Variants in KCND3 observed in about 807,000 individuals in gnomAD.
KCND3 encodes potassium voltage-gated channel subfamily D member 3.
In KCND3, 9 loss-of-function variants were observed where a neutral mutation model predicts 51.1. That is an observed-to-expected ratio of 0.18 (90% CI 0.11 to 0.31). The LOEUF is 0.31. Among genes scored for constraint, KCND3 ranks in the 10% least tolerant of loss-of-function variants. KCND3 has a pLI of 1.00. For missense variants in KCND3, 526 were observed against 903.8 expected (o/e 0.58, Z 5.36); for synonymous variants, 349 against 368.0 (o/e 0.95, Z 0.59).
chr1:111,866,535 G>A (rs1041482198), intron 2 of KCND3, among the ~76,000 whole-genome samples: 21 of 150,814 alleles, frequency 1.4e-4, no homozygotes, highest in Non-Finnish European at 2.7e-4. Context: ...AAATTGCTGG[G>A]ATTATAGGCA....
In KCND3 at chr1:111,916,740, GATA is replaced by G. The variant is rs531509650; in HGVS notation, c.1106+64878_1106+64880del. Among the ~76,000 whole-genome samples the G allele has an allele frequency of 4.3e-4, 65 of 152,244 alleles. 1 individual carries two copies. The highest frequency in any genetic ancestry group is 1.5e-3 in the African/African-American group (63 of 41,560). On this transcript the variant is annotated intron_variant, in intron 2 of 7. Transcript: ENST00000302127. ...CTACAGCTTTCACACACATCAAAAAGATAATAAGAGAATATTATAAACAACTTC... is the reference window on the plus strand; with the variant it reads ...CTACAGCTTTCACACACATCAAAAAGATAAGAGAATATTATAAACAACTTC...
chr1:111,905,741 C>A (rs77310427), intron 2 of KCND3, among the ~76,000 whole-genome samples: 3 of 152,174 alleles, frequency 2.0e-5, no homozygotes. Context: ...TCAGCCCCAG[C>A]AGGGCATCAG....
chr1:111,858,909 T>G (rs1013268275), intron 2 of KCND3, among the ~76,000 whole-genome samples: 1 of 152,228 alleles, frequency 6.6e-6, no homozygotes, highest in Non-Finnish European at 1.5e-5. Flanking sequence ...TATCCTCCCC[T>G]CTGCCTGGCA....
intron 2 of KCND3, among the ~76,000 whole-genome samples, chr1:111,900,074 G>C (rs1670312616): frequency 6.6e-6 from 1 of 152,166 alleles, no homozygotes; most frequent in Admixed American, 6.5e-5. Context: ...CCTGGGACCT[G>C]TAAGCATGGT....
chr1:111,802,421 C>T (rs6663025), intron 2 of KCND3, among the ~76,000 whole-genome samples: 1,752 of 152,332 alleles, frequency 0.012, 30 homozygotes, highest in African/African-American at 0.04. Context: ...ATGCAAAGAA[C>T]GTAGGCCTTG....
rs988588967 is a variant in KCND3 at position 111,771,207 on chromosome 1, A to G, written c.*4870T>C. Reference sequence around the variant, plus strand: ...CAGAACATTCTGAATAGAAAACAAGACTTAAAAGGAACCCCTTTAAAGCTG... The same window carrying G: ...CAGAACATTCTGAATAGAAAACAAGGCTTAAAAGGAACCCCTTTAAAGCTG... On this transcript the variant is annotated 3_prime_UTR_variant, in exon 8 of 8. Transcript: ENST00000302127. The G allele has an allele frequency of 1.3e-5, 2 of 152,152 alleles. No homozygotes were observed. The highest frequency in any genetic ancestry group is 4.8e-5 in the African/African-American group (2 of 41,440). The allele number at this position is 152,152 out of a possible 1,614,324, so 9.4% of individuals were successfully genotyped here. A position where few individuals can be genotyped will look rare whatever the true frequency, so the allele number is the denominator to read the frequency against.
At chr1:111,839,106 A>G (rs967213374) in intron 2 of KCND3, among the ~76,000 whole-genome samples, 5 of 152,266 alleles carry the variant, frequency 3.3e-5, no homozygotes, top group African/African-American at 1.2e-4. Context: ...TCGGTTTGAC[A>G]TCAGGCTGAT....
At chr1:111,923,560 T>C (rs999891344) in intron 2 of KCND3, among the ~76,000 whole-genome samples, 1 of 152,220 alleles carries the variant, frequency 6.6e-6, no homozygotes, top group African/African-American at 2.4e-5. Flanking sequence ...CCTGGGCAGC[T>C]GGGCTGGTGA....
chr1:111,874,194 C>G (rs903114963), intron 2 of KCND3, among the ~76,000 whole-genome samples: 2 of 152,192 alleles, frequency 1.3e-5, no homozygotes, highest in Non-Finnish European at 2.9e-5. Flanking sequence ...ATGTATCCCA[C>G]TACACATTGG....
intron 2 of KCND3, among the ~76,000 whole-genome samples, chr1:111,802,602 G>A (rs1216845605): frequency 6.6e-6 from 1 of 152,224 alleles, no homozygotes; most frequent in East Asian, 1.9e-4. Flanking sequence ...GTGCAGCACT[G>A]ACAAGATGCT....
At chr1:111,810,686 T>G (rs1665806330) in intron 2 of KCND3, among the ~76,000 whole-genome samples, 2 of 152,212 alleles carry the variant, frequency 1.3e-5, no homozygotes, top group South Asian at 4.1e-4. Flanking sequence ...CGGAGTAACC[T>G]CCAGGACTCC....
chr1:111,840,453 C>A (rs976587872), intron 2 of KCND3, among the ~76,000 whole-genome samples: 18 of 151,928 alleles, frequency 1.2e-4, no homozygotes, highest in African/African-American at 4.1e-4. Context: ...AAGTCTCCAA[C>A]CCCCTCTAAA....
chr1:111,876,464 T>C (rs537152864), intron 2 of KCND3, among the ~76,000 whole-genome samples: 1 of 152,324 alleles, frequency 6.6e-6, no homozygotes, highest in East Asian at 1.9e-4. Flanking sequence ...GGATCAATTT[T>C]AATTCCCACA....
intron 2 of KCND3, among the ~76,000 whole-genome samples, chr1:111,851,612 T>G (rs1194055710): frequency 6.6e-6 from 1 of 152,256 alleles, no homozygotes; most frequent in Non-Finnish European, 1.5e-5. Flanking sequence ...ATTACAGTCT[T>G]TACCCCATTG....
At chr1:111,938,679 G>A (rs370044357) in intron 2 of KCND3, among the ~76,000 whole-genome samples, 1 of 152,310 alleles carries the variant, frequency 6.6e-6, no homozygotes. Flanking sequence ...AGAGGAAGCA[G>A]CAACTGCAAA....
chr1:111,773,027 A>ATGAGCCATT lies in KCND3; in HGVS notation c.*3041_*3049dup, dbSNP rs1663980675. The stretch of plus-strand genomic sequence containing the variant: ...CATCTGGCTGTGTTCTGTAGTGTAG[A>ATGAGCCATT]TGAGCCATTTTCCAAACGTTGACAT... On this transcript the variant is annotated 3_prime_UTR_variant, in exon 8 of 8. Coordinates refer to ENST00000302127, the MANE Select transcript of KCND3 (RefSeq NM_001378969.1). The ATGAGCCATT allele has an allele frequency of 6.6e-6, 1 of 152,184 alleles. No homozygotes were observed. Among genetic ancestry groups the ATGAGCCATT allele is most frequent in the Non-Finnish European group, 1.5e-5 (1 of 68,044 alleles). 9.4% of individuals were successfully genotyped at this position (152,184 alleles called of 1,614,324 possible).
In KCND3 at chr1:111,811,535, G is replaced by A. The variant is rs146061978; in HGVS notation, c.1107-24429C>T. Among the ~76,000 whole-genome samples, 14 of 152,232 alleles carry A rather than the reference G, an allele frequency of 9.2e-5. No individual in the cohort carries two copies. In the East Asian group the frequency reaches 2.3e-3, roughly 25 times the overall value. ...TGTGGGGACTGGCTAAGGGGTGGGCGATGAAAGGACAGGGTGAGTCGATCT... is the reference window on the plus strand; with the variant it reads ...TGTGGGGACTGGCTAAGGGGTGGGCAATGAAAGGACAGGGTGAGTCGATCT... On this transcript the variant is annotated intron_variant, in intron 2 of 7. Coordinates refer to ENST00000302127, the MANE Select transcript of KCND3 (RefSeq NM_001378969.1).
intron 2 of KCND3, among the ~76,000 whole-genome samples, chr1:111,973,591 T>C (rs1490053222): frequency 6.6e-6 from 1 of 152,042 alleles, no homozygotes; most frequent in Non-Finnish European, 1.5e-5. Context: ...AGCTAGATAA[T>C]GTAGGGGGGA....
chr1:111,966,317 G>A (rs972886185), intron 2 of KCND3, among the ~76,000 whole-genome samples: 11 of 152,190 alleles, frequency 7.2e-5, no homozygotes, highest in African/African-American at 2.4e-4. Context: ...TAAAATACTG[G>A]GGGTGGAGAA....
Sources: gnomAD v4.1 joint callset for allele counts (sites outside exome capture counted in the v4.1 genomes callset) on GRCh38, gnomAD v4.1.1 for gene constraint, MANE v1.5 for transcripts, NCBI Gene and HGNC (gene_info 2026-07-23, HGNC 2026-07-21) for gene names.